Variants in DLGAP1 observed in about 807,000 individuals in gnomAD.
The protein encoded by DLGAP1 is DLG associated protein 1.
DLGAP1 carries 11 observed loss-of-function variants against 90.8 expected under a neutral mutation model. The observed-to-expected ratio is 0.12, with a 90% confidence interval of 0.08 to 0.20. The LOEUF is 0.20. Ranked by LOEUF, DLGAP1 falls within the 10% of genes least tolerant of loss-of-function variation. DLGAP1 has a pLI of 1.00. For missense variants in DLGAP1, 1,050 were observed against 1,333.8 expected, an observed-to-expected ratio of 0.79 and a Z score of 3.31; for synonymous variants, 558 against 540.7, an observed-to-expected ratio of 1.03 and a Z score of -0.44.
chr18:3,602,238 A>AT (rs2057079620), intron 7 of DLGAP1, among the ~76,000 whole-genome samples: 1 of 152,102 alleles, frequency 6.6e-6, no homozygotes, highest in African/African-American at 2.4e-5. Flanking sequence ...GCATGCTTTT[A>AT]TACCACATTT....
intron 1 of DLGAP1, among the ~76,000 whole-genome samples, chr18:4,174,622 C>T (rs1004633563): frequency 3.9e-4 from 59 of 152,244 alleles, no homozygotes; most frequent in African/African-American, 1.3e-3. Flanking sequence ...CATGAGCCAC[C>T]GCACCCAACC....
chr18:4,450,556 A>T (rs1417696687), intron 1 of DLGAP1, among the ~76,000 whole-genome samples: 1 of 152,180 alleles, frequency 6.6e-6, no homozygotes, highest in Non-Finnish European at 1.5e-5. Context: ...AAGGCTAGGG[A>T]GATAAGCAAG....
intron 4 of DLGAP1, among the ~76,000 whole-genome samples, chr18:3,843,461 C>G (rs909613791): frequency 2.0e-5 from 3 of 152,124 alleles, no homozygotes; most frequent in African/African-American, 7.2e-5. Flanking sequence ...GCGGTGGTTA[C>G]AAAAATTTGT....
At chr18:3,875,191 G>T (rs2070966089) in intron 4 of DLGAP1, among the ~76,000 whole-genome samples, 1 of 152,060 alleles carries the variant, frequency 6.6e-6, no homozygotes, top group Admixed American at 6.5e-5. Context: ...TGCATATGAG[G>T]TCAAATGCAC....
chr18:3,890,180 A>C (rs1231857134), intron 3 of DLGAP1, among the ~76,000 whole-genome samples: 1 of 152,268 alleles, frequency 6.6e-6, no homozygotes, highest in Non-Finnish European at 1.5e-5. Flanking sequence ...AAGTGGCCCC[A>C]ACAGAATTGG....
intron 2 of DLGAP1, among the ~76,000 whole-genome samples, chr18:4,028,501 A>G (rs17654173): frequency 0.15 from 23,495 of 152,176 alleles, 2,207 homozygotes; most frequent in Non-Finnish European, 0.2. Flanking sequence ...CTAAACAGAA[A>G]CTTGCTTAAT....
At chr18:4,297,059 T>C (rs1211613447) in intron 1 of DLGAP1, among the ~76,000 whole-genome samples, 1 of 152,228 alleles carries the variant, frequency 6.6e-6, no homozygotes, top group Non-Finnish European at 1.5e-5. Flanking sequence ...CTGTTATGCA[T>C]CCCATAATAA....
rs141538656 is a variant in DLGAP1 at position 3,613,949 on chromosome 18, G to A, written c.1592-31701C>T. Among the ~76,000 whole-genome samples, 922 of 151,906 alleles carry A rather than the reference G, an allele frequency of 6.1e-3. 9 individuals are homozygous for A. Among genetic ancestry groups the A allele is most frequent in the African/African-American group, 0.021 (862 of 41,438 alleles). ...GTTACTTTTTTTTTTTTGAGATGGA[G>A]TTTCCCTCTTTTGCCCAGGCTGGAG... is the stretch of plus-strand genomic sequence containing the variant. On this transcript the variant is annotated intron_variant, in intron 7 of 12. Coordinates refer to ENST00000315677, the MANE Select transcript of DLGAP1 (RefSeq NM_004746.4).
At chr18:3,717,115 C>CT (rs2061791818) in intron 7 of DLGAP1, among the ~76,000 whole-genome samples, 2 of 132,830 alleles carry the variant, frequency 1.5e-5, no homozygotes, top group South Asian at 5.0e-4. Context: ...TTTATACTAT[C>CT]TTGTAAGCCT....
chr18:3,632,113 C>T (rs924229553), intron 7 of DLGAP1, among the ~76,000 whole-genome samples: 2 of 152,106 alleles, frequency 1.3e-5, no homozygotes, highest in African/African-American at 4.8e-5. Context: ...ACTATCAATG[C>T]CCATGCGTCC....
chr18:4,272,157 G>T (rs114599002), intron 1 of DLGAP1, among the ~76,000 whole-genome samples: 199 of 152,292 alleles, frequency 1.3e-3, no homozygotes, highest in African/African-American at 4.6e-3. Context: ...TATTGCGTAA[G>T]AAATATATAT....
intron 1 of DLGAP1, among the ~76,000 whole-genome samples, chr18:4,358,528 T>C (rs749031056): frequency 6.6e-6 from 1 of 152,202 alleles, no homozygotes; most frequent in Non-Finnish European, 1.5e-5. Context: ...ACAATCCCAG[T>C]GACCTCAAGT....
At chr18:3,845,261 C>T (rs757031343) in intron 4 of DLGAP1, 1 of 1,612,796 alleles carries the variant, frequency 6.2e-7, no homozygotes, top group South Asian at 1.1e-5. Context: ...AACAGAATGT[C>T]TTTATGGAAA....
chr18:3,880,650 T>A (rs1405035931), intron 3 of DLGAP1, among the ~76,000 whole-genome samples: 1 of 151,520 alleles, frequency 6.6e-6, no homozygotes, highest in Non-Finnish European at 1.5e-5. Flanking sequence ...GCTAGAAAAC[T>A]AGAAAAAGGA....
intron 3 of DLGAP1, among the ~76,000 whole-genome samples, chr18:3,918,558 T>C (rs1599158256): frequency 1.3e-5 from 2 of 152,278 alleles, no homozygotes; most frequent in East Asian, 1.9e-4. Flanking sequence ...GAACTTTGGA[T>C]TCAGGAACTA....
In DLGAP1 at chr18:4,082,356, A is replaced by AG. The variant is rs1180869175; in HGVS notation, c.-159+68823_-159+68824insC. On this transcript the variant is annotated intron_variant, in intron 2 of 12. Coordinates refer to ENST00000315677, the MANE Select transcript of DLGAP1 (RefSeq NM_004746.4). ...GACTCCATCTCAAAAAAAAAAAAAA[A>AG]AAAAATTTGCCAGACATGGTGGCGC... 2.0e-5 allele frequency among the ~76,000 whole-genome samples: 3 copies of AG among 148,694 alleles called. No individual in the cohort carries two copies. In the East Asian group the frequency reaches 6.0e-4, roughly 30 times the overall value.
intron 2 of DLGAP1, among the ~76,000 whole-genome samples, chr18:4,053,281 A>T (rs1047936865): frequency 1.3e-5 from 2 of 152,152 alleles, no homozygotes; most frequent in African/African-American, 4.8e-5. Context: ...GTAGATGGGG[A>T]AGAAAACATG....
intron 1 of DLGAP1, among the ~76,000 whole-genome samples, chr18:4,392,404 A>C (rs2082357581): frequency 1.3e-5 from 2 of 152,314 alleles, no homozygotes; most frequent in South Asian, 4.1e-4. Flanking sequence ...TGAAAGGTTA[A>C]CAAAGTTCTA....
At chr18:4,376,540 T>G (rs984953652) in intron 1 of DLGAP1, among the ~76,000 whole-genome samples, 1 of 152,202 alleles carries the variant, frequency 6.6e-6, no homozygotes, top group South Asian at 2.1e-4. Context: ...GCGTGGTGTT[T>G]ATCATTTCTT....
Sources: allele counts gnomAD v4.1 joint callset (sites outside exome capture counted in the v4.1 genomes callset), GRCh38; gene constraint gnomAD v4.1.1; transcripts MANE v1.5; gene names NCBI Gene and HGNC (gene_info 2026-07-23, HGNC 2026-07-21).